SUPT3H: variants seen among roughly 807,000 people sequenced by gnomAD.
SUPT3H encodes the protein transcription initiation protein SPT3 homolog.
SUPT3H carries 44 observed loss-of-function variants against 44.3 expected under a neutral mutation model. That is an observed-to-expected ratio of 0.99 (90% confidence interval 0.78 to 1.28). The LOEUF (loss-of-function observed/expected upper bound fraction) is 1.28, where lower values mean the gene tolerates loss of function less well. Ranked by LOEUF, SUPT3H falls within the 50% of genes most tolerant of loss-of-function variation. SUPT3H has a pLI of 0.00. For synonymous variants in SUPT3H, 124 were observed against 125.6 expected (o/e 0.99, Z 0.09); for missense variants, 380 against 387.1 (o/e 0.98, Z 0.15).
intron 2 of SUPT3H, among the ~76,000 whole-genome samples, chr6:45,164,488 TA>T (rs1469480483): frequency 2.6e-5 from 4 of 152,194 alleles, no homozygotes; most frequent in Admixed American, 2.6e-4. Context: ...CAGTCTCCTT[TA>T]TACAGGTAGA....
At chr6:45,226,604 A>G (rs1042087999) in intron 2 of SUPT3H, among the ~76,000 whole-genome samples, 8 of 152,114 alleles carry the variant, frequency 5.3e-5, no homozygotes, top group African/African-American at 1.9e-4. Flanking sequence ...CAGTGGCGCA[A>G]TCTTGGCTCA....
chr6:45,181,889 A>G (rs1813301403), intron 2 of SUPT3H, among the ~76,000 whole-genome samples: 1 of 151,092 alleles, frequency 6.6e-6, no homozygotes. Context: ...ATAAATAAAT[A>G]AATAAATAAA....
intron 2 of SUPT3H, among the ~76,000 whole-genome samples, chr6:45,290,582 T>C (rs1013065483): frequency 6.6e-6 from 1 of 152,086 alleles, no homozygotes; most frequent in Non-Finnish European, 1.5e-5. Flanking sequence ...AAAAATCCCG[T>C]AAGTTGGGCC....
intron 4 of SUPT3H, among the ~76,000 whole-genome samples, chr6:45,020,112 A>T (rs939895756): frequency 1.6e-4 from 24 of 151,946 alleles, no homozygotes; most frequent in African/African-American, 4.3e-4. Flanking sequence ...TTTTTCAATA[A>T]GGTAGAGCTA....
intron 2 of SUPT3H, among the ~76,000 whole-genome samples, chr6:45,298,254 G>C (rs1339264512): frequency 2.6e-5 from 4 of 152,190 alleles, no homozygotes; most frequent in African/African-American, 4.8e-5. Flanking sequence ...AAGGATGACA[G>C]TGCCATTAAG....
At chr6:45,043,489 C>T (rs1171486149) in intron 3 of SUPT3H, among the ~76,000 whole-genome samples, 2 of 152,054 alleles carry the variant, frequency 1.3e-5, no homozygotes, top group African/African-American at 2.4e-5. Context: ...AGGCAAAATT[C>T]CCACAGGGAG....
At chr6:45,179,969 C>G (rs1357205255) in intron 2 of SUPT3H, among the ~76,000 whole-genome samples, 1 of 152,080 alleles carries the variant, frequency 6.6e-6, no homozygotes, top group African/African-American at 2.4e-5. Flanking sequence ...TAGAAAACCC[C>G]ACTGTCTCAG....
chr6:44,889,171 T>C (rs1157182765), intron 10 of SUPT3H, among the ~76,000 whole-genome samples: 3 of 151,924 alleles, frequency 2.0e-5, no homozygotes, highest in African/African-American at 4.8e-5. Context: ...GAATCAATAT[T>C]GTGAAAATGG....
chr6:45,154,087 A>AAAAAAAAAAAAAAAAAAAAAAAAC lies in SUPT3H; in HGVS notation c.102-48082_102-48081insGTTTTTTTTTTTTTTTTTTTTTTT, dbSNP rs70996303. Among the ~76,000 whole-genome samples, 3 of 114,596 alleles carry AAAAAAAAAAAAAAAAAAAAAAAAC rather than the reference A, an allele frequency of 2.6e-5. 1 individual carries two copies. Among genetic ancestry groups the AAAAAAAAAAAAAAAAAAAAAAAAC allele is most frequent in the Non-Finnish European group, 1.8e-5 (1 of 56,958 alleles). The allele number at this position is 114,596 out of a possible 152,430, so 75.2% of individuals were successfully genotyped here. A position where few individuals can be genotyped will look rare whatever the true frequency, so the allele number is the denominator to read the frequency against. The stretch of plus-strand genomic sequence containing the variant: ...TCTGTCTCAAGAAAAAAAAAAAAAA[A>AAAAAAAAAAAAAAAAAAAAAAAAC]AGCGCTTAGTCCTCCTATGTTAGAA... On this transcript the variant is annotated intron_variant, in intron 2 of 10. Transcript: ENST00000371459.
At chr6:45,245,576 T>C (rs1562782745) in intron 2 of SUPT3H, among the ~76,000 whole-genome samples, 1 of 152,162 alleles carries the variant, frequency 6.6e-6, no homozygotes, top group Non-Finnish European at 1.5e-5. Context: ...CTTAGCCTAA[T>C]GTTTTCTAAA....
chr6:45,112,951 G>C (rs973085455), intron 2 of SUPT3H, among the ~76,000 whole-genome samples: 1 of 149,554 alleles, frequency 6.7e-6, no homozygotes, highest in Admixed American at 6.7e-5. Flanking sequence ...TGTGGTCTTG[G>C]GAGCTAGTCA....
intron 2 of SUPT3H, among the ~76,000 whole-genome samples, chr6:45,344,530 G>T (rs1348250615): frequency 6.6e-6 from 1 of 151,574 alleles, no homozygotes; most frequent in African/African-American, 2.4e-5. Context: ...TGAACGTCTA[G>T]AACAGTAACA....
chr6:44,885,824 C>T (rs955537459), intron 10 of SUPT3H, among the ~76,000 whole-genome samples: 1 of 152,038 alleles, frequency 6.6e-6, no homozygotes, highest in Non-Finnish European at 1.5e-5. Flanking sequence ...CTCCGAGCTA[C>T]AGGAGGAAAT....
chr6:45,094,551 C>T (rs1797550923), intron 3 of SUPT3H, among the ~76,000 whole-genome samples: 1 of 151,980 alleles, frequency 6.6e-6, no homozygotes. Flanking sequence ...GAATTCCTTC[C>T]CAGTTGATCC....
intron 4 of SUPT3H, among the ~76,000 whole-genome samples, chr6:45,020,108 A>C (rs964569050): frequency 6.6e-6 from 1 of 151,960 alleles, no homozygotes; most frequent in Non-Finnish European, 1.5e-5. Flanking sequence ...TACTTTTTTC[A>C]ATAAGGTAGA....
At chr6:45,317,923 A>G (rs551289535) in intron 2 of SUPT3H, among the ~76,000 whole-genome samples, 9 of 152,174 alleles carry the variant, frequency 5.9e-5, no homozygotes, top group Non-Finnish European at 1.2e-4. Context: ...ATGAGAAAAT[A>G]TATTTGCAAA....
chr6:44,886,915 G>A (rs1762392710), intron 10 of SUPT3H, among the ~76,000 whole-genome samples: 1 of 152,124 alleles, frequency 6.6e-6, no homozygotes, highest in South Asian at 2.1e-4. Context: ...ATAAAAGGAT[G>A]GAGGAAGATC....
At chr6:45,228,929 C>T (rs932395787) in intron 2 of SUPT3H, among the ~76,000 whole-genome samples, 3 of 152,062 alleles carry the variant, frequency 2.0e-5, no homozygotes, top group African/African-American at 7.2e-5. Flanking sequence ...CATGAGCCAC[C>T]GTGCCCAACC....
intron 2 of SUPT3H, among the ~76,000 whole-genome samples, chr6:45,295,745 A>T (rs901354018): frequency 2.6e-5 from 4 of 152,092 alleles, no homozygotes; most frequent in African/African-American, 9.7e-5. Context: ...GCCAACAAAC[A>T]TATGAAAAAA....
Sources: allele counts gnomAD v4.1 joint callset (sites outside exome capture counted in the v4.1 genomes callset), GRCh38; gene constraint gnomAD v4.1.1; transcripts MANE v1.5; gene names NCBI Gene and HGNC (gene_info 2026-07-23, HGNC 2026-07-21).